RIMS1: variants seen among roughly 807,000 people sequenced by gnomAD.
The protein encoded by RIMS1 is regulating synaptic membrane exocytosis protein 1.
A neutral mutation model predicts 214.1 loss-of-function variants in RIMS1; 83 were observed. That is an observed-to-expected ratio of 0.39 (90% CI 0.32 to 0.47). RIMS1 has a LOEUF of 0.47. Among genes scored for constraint, RIMS1 ranks in the 20% least tolerant of loss-of-function variants. The pLI is 0.99. For missense variants in RIMS1, 2,050 were observed against 2,161.8 expected (o/e 0.95, Z 1.03); for synonymous variants, 793 against 786.8 (o/e 1.01, Z -0.13).
intron 4 of RIMS1, among the ~76,000 whole-genome samples, chr6:72,119,577 A>G (rs2037795849): frequency 2.0e-5 from 3 of 151,928 alleles, no homozygotes; most frequent in Admixed American, 6.6e-5. Context: ...AGTTACTAAA[A>G]CAGCATGGTA....
At chr6:72,109,514 T>C (rs1474527465) in intron 4 of RIMS1, among the ~76,000 whole-genome samples, 3 of 152,158 alleles carry the variant, frequency 2.0e-5, no homozygotes, top group African/African-American at 7.2e-5. Flanking sequence ...GAGAAGTGTC[T>C]GTTCATGTCC....
intron 27 of RIMS1, among the ~76,000 whole-genome samples, chr6:72,309,987 T>A (rs1478665452): frequency 6.6e-6 from 1 of 152,108 alleles, no homozygotes; most frequent in Admixed American, 6.6e-5. Context: ...ACATCAAGTA[T>A]TTTATAACTA....
intron 4 of RIMS1, among the ~76,000 whole-genome samples, chr6:72,103,803 G>A (rs1408508665): frequency 1.3e-5 from 2 of 152,038 alleles, no homozygotes; most frequent in African/African-American, 4.8e-5. Context: ...ATCAATGTTT[G>A]TTATTGTCTT....
At chr6:72,339,439 C>T (rs996068109) in intron 29 of RIMS1, among the ~76,000 whole-genome samples, 2 of 151,870 alleles carry the variant, frequency 1.3e-5, no homozygotes, top group Non-Finnish European at 2.9e-5. Flanking sequence ...CCCTATCCCC[C>T]CACCCCACAA....
intron 8 of RIMS1, among the ~76,000 whole-genome samples, chr6:72,236,193 C>T (rs1294431528): frequency 1.3e-5 from 2 of 151,986 alleles, no homozygotes; most frequent in Non-Finnish European, 2.9e-5. Context: ...GTGATATTCT[C>T]TTCATTTTAA....
At chr6:72,351,207 T>A (rs1200119310) in intron 29 of RIMS1, among the ~76,000 whole-genome samples, 1 of 151,600 alleles carries the variant, frequency 6.6e-6, no homozygotes, top group African/African-American at 2.4e-5. Context: ...AAAAAAAAAA[T>A]GCCATTAGCT....
At chr6:72,009,576 A>T (rs1318871295) in intron 2 of RIMS1, among the ~76,000 whole-genome samples, 1 of 152,222 alleles carries the variant, frequency 6.6e-6, no homozygotes, top group African/African-American at 2.4e-5. Flanking sequence ...ATAGACCGCT[A>T]GCAAGACTAA....
At chr6:72,042,522 G>C (rs1286782119) in intron 2 of RIMS1, among the ~76,000 whole-genome samples, 7 of 151,600 alleles carry the variant, frequency 4.6e-5, no homozygotes, top group Admixed American at 4.6e-4. Context: ...TTTAATATTT[G>C]GAGAATATTT....
intron 2 of RIMS1, among the ~76,000 whole-genome samples, chr6:72,001,734 G>A (rs1805338033): frequency 6.6e-6 from 1 of 152,118 alleles, no homozygotes; most frequent in African/African-American, 2.4e-5. Context: ...GTTGTCTGCA[G>A]CAGTATAAAT....
chr6:72,216,259 T>C (rs1264064468), intron 6 of RIMS1, among the ~76,000 whole-genome samples: 2 of 151,804 alleles, frequency 1.3e-5, no homozygotes, highest in African/African-American at 4.8e-5. Flanking sequence ...TGTGTCTCAG[T>C]GAGAAAAAAA....
chr6:72,264,391 G>C (rs1185012379), intron 19 of RIMS1, among the ~76,000 whole-genome samples: 1 of 152,162 alleles, frequency 6.6e-6, no homozygotes, highest in South Asian at 2.1e-4. Context: ...ACTTCCAAAG[G>C]AAAATTTCCT....
At chr6:72,088,252 T>G (rs890992278) in intron 2 of RIMS1, among the ~76,000 whole-genome samples, 11 of 132,974 alleles carry the variant, frequency 8.3e-5, no homozygotes, top group Admixed American at 1.7e-4. Context: ...TTTATTTATT[T>G]ATTTATTTAT....
At chr6:72,252,894 C>G in intron 16 of RIMS1, 62 bp downstream of exon 16, 2 of 1,225,494 alleles carry the variant, frequency 1.6e-6, no homozygotes, top group Non-Finnish European at 2.4e-6. Context: ...TCTCTGTCAG[C>G]TTCCGGACCT....
intron 4 of RIMS1, among the ~76,000 whole-genome samples, chr6:72,147,270 A>T (rs1350324491): frequency 2.6e-5 from 4 of 152,232 alleles, no homozygotes; most frequent in Admixed American, 2.6e-4. Context: ...CTAAATAAAC[A>T]TCACATACAT....
Position 72,400,628 on chromosome 6 carries a change from G to A in RIMS1, c.4993G>A (p.Val1665Met), listed in dbSNP as rs746146280. Residue 1665 changes from valine (V) to methionine (M), a missense_variant, in exon 34 of 34, where the codon GTG becomes ATG. Physicochemically the swap from Val to Met is conservative, Grantham distance 21. Transcript: ENST00000521978. ...WYKLFPPSSL[V>M]DPTLTPLTRR... ...CAAATTGTTCCCACCGTCCTCACTGGTGGATCCCACACTCACTCCCCTCAC... is the reference window on the plus strand; with the variant it reads ...CAAATTGTTCCCACCGTCCTCACTGATGGATCCCACACTCACTCCCCTCAC... The A allele has an allele frequency of 6.2e-6, 10 of 1,613,820 alleles. No homozygotes were observed. Among genetic ancestry groups the A allele is most frequent in the Non-Finnish European group, 8.5e-6 (10 of 1,179,818 alleles).
chr6:72,249,668 A>T (rs2154132684), intron 12 of RIMS1, among the ~76,000 whole-genome samples: 1 of 152,216 alleles, frequency 6.6e-6, no homozygotes, highest in Non-Finnish European at 1.5e-5. Flanking sequence ...TCTACCTGGG[A>T]GGCTGAACTG....
intron 4 of RIMS1, among the ~76,000 whole-genome samples, chr6:72,107,859 A>G (rs1230223074): frequency 6.6e-6 from 1 of 152,144 alleles, no homozygotes; most frequent in Non-Finnish European, 1.5e-5. Flanking sequence ...ATTCTTAGAA[A>G]CTAATGTTTA....
At chr6:72,010,802 C>G (rs1416674700) in intron 2 of RIMS1, among the ~76,000 whole-genome samples, 1 of 152,106 alleles carries the variant, frequency 6.6e-6, no homozygotes, top group Non-Finnish European at 1.5e-5. Flanking sequence ...AGGAGAACTA[C>G]AAACCACTGC....
In RIMS1 at chr6:72,402,422, A is replaced by G. The variant is rs930410834; in HGVS notation, c.*1708A>G. 6.6e-6 allele frequency: 1 copy of G among 152,624 alleles called. No homozygotes were observed. Among genetic ancestry groups the G allele is most frequent in the East Asian group, 1.9e-4 (1 of 5,198 alleles). The allele number at this position is 152,624 out of a possible 1,614,324, so 9.5% of individuals were successfully genotyped here. ...GGAAAACGTGATGTAGTACGGACCA[A>G]ATTCCTTCTAATAAATATTTTGGTG... On this transcript the variant is annotated 3_prime_UTR_variant, in exon 34 of 34. Transcript: ENST00000521978.
Sources: allele counts gnomAD v4.1 joint callset (sites outside exome capture counted in the v4.1 genomes callset), GRCh38; gene constraint gnomAD v4.1.1; transcripts MANE v1.5; gene names NCBI Gene and HGNC (gene_info 2026-07-23, HGNC 2026-07-21).